Variants in SNX30 observed in about 807,000 individuals in gnomAD.
SNX30 encodes sorting nexin-30.
SNX30 carries 24 observed loss-of-function variants against 46.4 expected under a neutral mutation model. The ratio of observed to expected loss-of-function variants is 0.52; its 90% CI spans 0.37 to 0.73. SNX30 has a LOEUF of 0.73. SNX30 is among the 30% of genes least tolerant of loss of function. The pLI is 0.00. For missense variants in SNX30, 533 were observed against 555.7 expected, an observed-to-expected ratio of 0.96 and a Z score of 0.41; for synonymous variants, 189 against 211.5, an observed-to-expected ratio of 0.89 and a Z score of 0.92.
intron 5 of SNX30, among the ~76,000 whole-genome samples, 188 bp from the exon 6 acceptor site, chr9:112,838,310 C>T (rs1233787833): frequency 6.6e-6 from 1 of 152,156 alleles, no homozygotes; most frequent in East Asian, 1.9e-4. Context: ...GTAACATGAG[C>T]TGTCAGAGGT....
In SNX30 at chr9:112,785,807, A is replaced by G. The variant is rs565204167; in HGVS notation, c.157-18969A>G. ...CTTGGCCTCCCAAAGTGCTAGGATT[A>G]CTTGCCAGCCTAGGAATGTAATTTT... On this transcript the variant is annotated intron_variant, in intron 1 of 8. Transcript: ENST00000374232. 6.4e-4 allele frequency among the ~76,000 whole-genome samples: 98 copies of G among 152,332 alleles called. 3 individuals carry two copies. Among genetic ancestry groups the G allele is most frequent in the African/African-American group, 2.2e-3 (92 of 41,566 alleles).
downstream of SNX30, among the ~76,000 whole-genome samples, chr9:112,881,883 T>C (rs1164830437): frequency 6.6e-6 from 1 of 152,040 alleles, no homozygotes; most frequent in Non-Finnish European, 1.5e-5. Context: ...TTGAGAAGGG[T>C]TAGGAAAATT....
At chr9:112,830,978 A>G in intron 4 of SNX30, 95 bp downstream of exon 4, 1 of 1,311,650 alleles carries the variant, frequency 7.6e-7, no homozygotes, top group Non-Finnish European at 1.0e-6. Flanking sequence ...CTCTACAAAA[A>G]CTTTTAACAA....
At position 112,850,840 on chromosome 9, in the gene SNX30, T is replaced by C. The variant is rs759445077; in HGVS notation, c.1015-19T>C. ...TTGTGGACTCAGTGTTACATGCTTCTCTCCTCTGCCTCCCACAGAGTGTAT... is the reference window on the plus strand; with the variant it reads ...TTGTGGACTCAGTGTTACATGCTTCCCTCCTCTGCCTCCCACAGAGTGTAT... On this transcript the variant is annotated intron_variant, in intron 6 of 8. Coordinates refer to ENST00000374232, the MANE Select transcript of SNX30 (RefSeq NM_001012994.2). The C allele has an allele frequency of 1.4e-5, 22 of 1,600,896 alleles. No homozygotes were observed. The highest frequency in any genetic ancestry group is 2.7e-5 in the African/African-American group (2 of 74,564).
intron 6 of SNX30, among the ~76,000 whole-genome samples, chr9:112,840,782 ATT>A (rs1840843944): frequency 1.0e-5 from 1 of 96,230 alleles, no homozygotes; most frequent in African/African-American, 4.1e-5. Context: ...CCTGGCTGAT[ATT>A]TCTTTTTTTT....
At chr9:112,815,424 A>C (rs1396434497) in intron 2 of SNX30, among the ~76,000 whole-genome samples, 1 of 150,212 alleles carries the variant, frequency 6.7e-6, no homozygotes, top group Non-Finnish European at 1.5e-5. Flanking sequence ...GCAGTGGTGC[A>C]GTCTTGACTC....
chr9:112,778,730 A>G (rs1332255708), intron 1 of SNX30, among the ~76,000 whole-genome samples: 1 of 152,190 alleles, frequency 6.6e-6, no homozygotes. Context: ...AAAAATACCA[A>G]CTGCCACAGA....
At chr9:112,867,047 CTTT>C (rs1165535598) in intron 8 of SNX30, among the ~76,000 whole-genome samples, 1 of 126,730 alleles carries the variant, frequency 7.9e-6, no homozygotes. Context: ...CCTCAGAATT[CTTT>C]CTCCCTCCTC....
chr9:112,759,196 A>G (rs1351146583), intron 1 of SNX30, among the ~76,000 whole-genome samples: 1 of 151,968 alleles, frequency 6.6e-6, no homozygotes, highest in African/African-American at 2.4e-5. Flanking sequence ...CCTCTTTACA[A>G]TACACTTTTC....
rs556686269 is a variant in SNX30 at position 112,870,478 on chromosome 9, T to G, written c.*1635T>G. The G allele has an allele frequency of 6.6e-6, 1 of 152,380 alleles. No individual in the cohort carries two copies. Among genetic ancestry groups the G allele is most frequent in the Non-Finnish European group, 1.5e-5 (1 of 68,044 alleles). The allele number at this position is 152,380 out of a possible 1,614,324, so 9.4% of individuals were successfully genotyped here. A position where few individuals can be genotyped will look rare whatever the true frequency, so the allele number is the denominator to read the frequency against. On this transcript the variant is annotated 3_prime_UTR_variant, in exon 9 of 9. Coordinates refer to ENST00000374232, the MANE Select transcript of SNX30 (RefSeq NM_001012994.2). ...AGGACGGCTTGGTTCTGTTTCATTG[T>G]GTTTGACAATGTTGCAGTTTAAATG... is the stretch of plus-strand genomic sequence containing the variant.
intron 1 of SNX30, among the ~76,000 whole-genome samples, chr9:112,783,205 A>G (rs1250916252): frequency 4.6e-5 from 7 of 152,340 alleles, no homozygotes; most frequent in South Asian, 2.1e-4. Flanking sequence ...CTCTGGCGCC[A>G]TGGAGGCAGA....
intron 1 of SNX30, among the ~76,000 whole-genome samples, chr9:112,761,044 T>G (rs1321921505): frequency 6.6e-6 from 1 of 152,170 alleles, no homozygotes; most frequent in Non-Finnish European, 1.5e-5. Context: ...TGGAGATTAG[T>G]GAGAGACGAG....
intron 1 of SNX30, among the ~76,000 whole-genome samples, chr9:112,789,190 G>T (rs372232738): frequency 6.6e-6 from 1 of 152,190 alleles, no homozygotes. Context: ...TGCTTGTTCT[G>T]TTGAGTCCTC....
intron 6 of SNX30, among the ~76,000 whole-genome samples, chr9:112,838,917 T>C (rs529160546): frequency 4.0e-4 from 61 of 152,226 alleles, no homozygotes; most frequent in African/African-American, 1.4e-3. Context: ...AAATTCTTAC[T>C]GGTTTCTCTG....
downstream of SNX30, among the ~76,000 whole-genome samples, chr9:112,883,621 G>A (rs1841609771): frequency 6.6e-6 from 1 of 151,744 alleles, no homozygotes; most frequent in Admixed American, 6.6e-5. Flanking sequence ...AATGAACATA[G>A]GGCTGTGGAC....
At chr9:112,826,173 T>C (rs551325211) in intron 3 of SNX30, among the ~76,000 whole-genome samples, 1 of 152,220 alleles carries the variant, frequency 6.6e-6, no homozygotes, top group East Asian at 1.9e-4. Context: ...ACAGGACTCA[T>C]GAAGTAAGAA....
At chr9:112,756,076 A>G (rs1347383090) in intron 1 of SNX30, among the ~76,000 whole-genome samples, 2 of 152,206 alleles carry the variant, frequency 1.3e-5, no homozygotes, top group African/African-American at 4.8e-5. Flanking sequence ...ATAAAGAGTA[A>G]AAGTTATCTG....
chr9:112,816,303 A>T (rs905767179), intron 2 of SNX30, among the ~76,000 whole-genome samples: 1 of 152,022 alleles, frequency 6.6e-6, no homozygotes, highest in Non-Finnish European at 1.5e-5. Flanking sequence ...TGTTCCCAAT[A>T]TTTCTGTCAT....
rs143560972 is a variant in SNX30, at chr9:112,844,544, C to T, written c.1014+5847C>T. Among the ~76,000 whole-genome samples the T allele has an allele frequency of 2.2e-3, 338 of 152,072 alleles. 2 individuals are homozygous for T. The highest frequency in any genetic ancestry group is 7.2e-3 in the African/African-American group (298 of 41,456). On this transcript the variant is annotated intron_variant, in intron 6 of 8. Coordinates refer to ENST00000374232, the MANE Select transcript of SNX30 (RefSeq NM_001012994.2). Reference sequence around the variant, plus strand: ...TATTTATTGATCTATCACCTTAAGACGAAAGAACAAGTAGCAAAGGAGCCC... The same window carrying T: ...TATTTATTGATCTATCACCTTAAGATGAAAGAACAAGTAGCAAAGGAGCCC...
Sources: gnomAD v4.1 joint callset for allele counts (sites outside exome capture counted in the v4.1 genomes callset) on GRCh38, gnomAD v4.1.1 for gene constraint, MANE v1.5 for transcripts, NCBI Gene and HGNC (gene_info 2026-07-23, HGNC 2026-07-21) for gene names.